Variants in MITF observed in about 807,000 individuals in gnomAD.
MITF encodes microphthalmia-associated transcription factor.
In MITF, 17 loss-of-function variants were observed where a neutral mutation model predicts 60.5. That is an observed-to-expected ratio of 0.28 (90% CI 0.19 to 0.42). The LOEUF (loss-of-function observed/expected upper bound fraction) is 0.42. Among genes scored for constraint, MITF ranks in the 10% least tolerant of loss-of-function variants. The pLI is 1.00. For synonymous variants in MITF, 260 were observed against 248.5 expected, an observed-to-expected ratio of 1.05 and a Z score of -0.43; for missense variants, 622 against 683.5, an observed-to-expected ratio of 0.91 and a Z score of 1.00.
In MITF at chr3:69,872,590, G is replaced by A. The variant is rs935176931; in HGVS notation, c.105-6544G>A. On this transcript the variant is annotated intron_variant, in intron 1 of 9. Coordinates refer to ENST00000352241, the MANE Select transcript of MITF (RefSeq NM_001354604.2). Reference sequence around the variant, plus strand: ...TTTAATTTTTTCTTCCTGCACCCAGGTTGTCATTTTTGGTATGGATTTTTG... The same window carrying A: ...TTTAATTTTTTCTTCCTGCACCCAGATTGTCATTTTTGGTATGGATTTTTG... Among the ~76,000 whole-genome samples, 3 of 152,160 alleles carry A rather than the reference G, an allele frequency of 2.0e-5. No homozygotes were observed. In the South Asian group the frequency reaches 6.2e-4, roughly 32 times the overall value.
intron 1 of MITF, among the ~76,000 whole-genome samples, chr3:69,791,131 G>A (rs1472570117): frequency 6.6e-6 from 1 of 152,184 alleles, no homozygotes; most frequent in Non-Finnish European, 1.5e-5. Flanking sequence ...CAAATGTCCT[G>A]CAAGTCATGT....
intron 7 of MITF, among the ~76,000 whole-genome samples, chr3:69,952,154 C>G (rs1038123949): frequency 6.6e-6 from 1 of 152,090 alleles, no homozygotes; most frequent in Non-Finnish European, 1.5e-5. Flanking sequence ...CTCTCTCTCT[C>G]TCTCTCTTTT....
chr3:69,823,273 T>C (rs1053919311), intron 1 of MITF, among the ~76,000 whole-genome samples: 1 of 152,230 alleles, frequency 6.6e-6, no homozygotes, highest in African/African-American at 2.4e-5. Flanking sequence ...TTACTCTTTG[T>C]CTTAGCAGCT....
intron 1 of MITF, among the ~76,000 whole-genome samples, chr3:69,861,164 A>G (rs1438844833): frequency 6.6e-6 from 1 of 152,190 alleles, no homozygotes; most frequent in Non-Finnish European, 1.5e-5. Context: ...ATTTATGACT[A>G]TTGACTTTCT....
At position 69,956,515 on chromosome 3, in the gene MITF, C is replaced by G. The variant is rs753639890; in HGVS notation, c.1016C>G (p.Pro339Arg). The G allele has an allele frequency of 6.2e-7, 1 of 1,612,548 alleles. No homozygotes were observed. Among genetic ancestry groups the G allele is most frequent in the Non-Finnish European group, 8.5e-7 (1 of 1,178,760 alleles). Residue 339 changes from proline (P) to arginine (R), a missense_variant, in exon 8 of 10, where the codon CCC (proline) becomes CGC (arginine). Pro to Arg is a moderately radical substitution (Grantham distance 103). Around this residue, in one of 5 missense-constraint regions of MITF, gnomAD observed 31 missense variants for 74.8 expected, o/e 0.41. Transcript: ENST00000352241. ...DRIKELGTLI[P>R]KSNDPDMRWN... ...ATTAAAGAACTAGGTACTTTGATTC[C>G]CAAGTCAAATGATCCGTGAGTACAA...
intron 1 of MITF, among the ~76,000 whole-genome samples, chr3:69,741,186 T>C (rs1381263304): frequency 6.6e-6 from 1 of 152,086 alleles, no homozygotes; most frequent in Non-Finnish European, 1.5e-5. Flanking sequence ...AGATTGTGTG[T>C]GTTGGGGGCT....
chr3:69,851,460 A>G (rs1160153661), intron 1 of MITF, among the ~76,000 whole-genome samples: 51 of 152,222 alleles, frequency 3.4e-4, no homozygotes, highest in Admixed American at 3.3e-3. Context: ...TCCATACAAT[A>G]GAATACTAAT....
intron 1 of MITF, among the ~76,000 whole-genome samples, chr3:69,817,378 A>G (rs1219739968): frequency 1.3e-5 from 2 of 152,194 alleles, no homozygotes; most frequent in Non-Finnish European, 2.9e-5. Flanking sequence ...ATAGCTTCTC[A>G]TTAGTACTAG....
chr3:69,932,606 C>A (rs1398517077), intron 2 of MITF, among the ~76,000 whole-genome samples: 1 of 152,098 alleles, frequency 6.6e-6, no homozygotes. Context: ...AGGATTCATA[C>A]CCTTGTTGTT....
intron 1 of MITF, among the ~76,000 whole-genome samples, chr3:69,763,124 C>A (rs990157797): frequency 1.3e-5 from 2 of 152,090 alleles, no homozygotes; most frequent in African/African-American, 2.4e-5. Flanking sequence ...CAAAAGAATT[C>A]CAAGTCAAAA....
At chr3:69,866,641 A>C (rs1247962617) in intron 1 of MITF, among the ~76,000 whole-genome samples, 1 of 152,144 alleles carries the variant, frequency 6.6e-6, no homozygotes, top group Admixed American at 6.5e-5. Context: ...AATGACAAAA[A>C]TACCGCGACT....
intron 2 of MITF, among the ~76,000 whole-genome samples, chr3:69,923,295 C>A (rs1336761896): frequency 6.6e-6 from 1 of 152,100 alleles, no homozygotes; most frequent in East Asian, 1.9e-4. Flanking sequence ...TAAGTGAATC[C>A]ATTGAAAACT....
chr3:69,773,008 C>T (rs370235238), intron 1 of MITF, among the ~76,000 whole-genome samples: 10 of 152,164 alleles, frequency 6.6e-5, no homozygotes, highest in African/African-American at 1.2e-4. Flanking sequence ...TTATAGAGAA[C>T]GATAAAGCAT....
intron 1 of MITF, among the ~76,000 whole-genome samples, chr3:69,743,022 G>A (rs564255909): frequency 5.9e-5 from 9 of 152,236 alleles, no homozygotes; most frequent in Non-Finnish European, 1.3e-4. Context: ...TTTTCTGTTT[G>A]TTCCTTGCTC....
chr3:69,830,509 C>T (rs774474386), intron 1 of MITF, among the ~76,000 whole-genome samples: 5 of 152,176 alleles, frequency 3.3e-5, no homozygotes, highest in Non-Finnish European at 7.4e-5. Context: ...GCTTCTTGTT[C>T]TGGCTTATTG....
Position 69,959,381 on chromosome 3 carries a change from A to G in MITF, c.1140A>G (p.Lys380=). ...AAGAACTTGAAAACCGACAGAAGAA[A>G]CTGGAGCACGCCAACCGGCATTTGT... ...RAKELENRQK[K]LEHANRHLLL... Residue 380 remains lysine (K), a synonymous_variant, in exon 9 of 10, where the codon AAA becomes AAG. Transcript: ENST00000352241. The G allele has an allele frequency of 1.2e-6, 2 of 1,613,884 alleles. No individual in the cohort carries two copies. Among genetic ancestry groups the G allele is most frequent in the African/African-American group, 1.3e-5 (1 of 75,012 alleles).
intron 2 of MITF, among the ~76,000 whole-genome samples, chr3:69,883,398 C>T (rs918748325): frequency 6.6e-6 from 1 of 152,126 alleles, no homozygotes; most frequent in Non-Finnish European, 1.5e-5. Context: ...AAGCCCTGCT[C>T]CTTGTTACCC....
chr3:69,887,687 A>T (rs1487809045), intron 2 of MITF, among the ~76,000 whole-genome samples: 2 of 152,086 alleles, frequency 1.3e-5, no homozygotes, highest in Non-Finnish European at 2.9e-5. Flanking sequence ...TACTCTTTTT[A>T]AAAATAGGGA....
chr3:69,809,564 G>T (rs1339316826), intron 1 of MITF, among the ~76,000 whole-genome samples: 1 of 149,792 alleles, frequency 6.7e-6, no homozygotes, highest in East Asian at 2.0e-4. Context: ...TAAAGGTTAT[G>T]AATTAAAAAC....
Sources: gnomAD v4.1 joint callset for allele counts (sites outside exome capture counted in the v4.1 genomes callset) on GRCh38, gnomAD v4.1.1 for gene constraint, gnomAD v4.1.1 regional missense constraint, MANE v1.5 for transcripts, NCBI Gene and HGNC (gene_info 2026-07-23, HGNC 2026-07-21) for gene names.